AKT3: variants seen among roughly 807,000 people sequenced by gnomAD.
AKT3 encodes AKT serine/threonine kinase 3.
A neutral mutation model predicts 65.3 loss-of-function variants in AKT3; 15 were observed. That is an observed-to-expected ratio of 0.23 (90% CI 0.15 to 0.35). The LOEUF (loss-of-function observed/expected upper bound fraction) is 0.35, where lower values mean the gene tolerates loss of function less well. AKT3 is among the 10% of genes least tolerant of loss of function. The probability of loss-of-function intolerance (pLI) is 1.00; values close to 1 mark genes in which losing one functional copy is unlikely to be tolerated. For missense variants in AKT3, 243 were observed against 576.5 expected (o/e 0.42, Z 5.92); for synonymous variants, 206 against 183.8 (o/e 1.12, Z -0.98).
chr1:243,519,460 G>A (rs1670575479), intron 12 of AKT3, among the ~76,000 whole-genome samples: 1 of 152,198 alleles, frequency 6.6e-6, no homozygotes, highest in Admixed American at 6.5e-5. Flanking sequence ...AAATGGTCCA[G>A]TCAAAGCAAT....
chr1:243,695,406 A>G (rs528509433), intron 3 of AKT3, among the ~76,000 whole-genome samples, 185 bp downstream of exon 3: 8 of 152,118 alleles, frequency 5.3e-5, no homozygotes, highest in Admixed American at 2.0e-4. Context: ...ATTGCATTGT[A>G]TAAGACCAAA....
rs59975727 is a variant in AKT3, at chr1:243,798,207, C to CT, written c.46+44917dup. Among the ~76,000 whole-genome samples the CT allele has an allele frequency of 1.1e-3, 108 of 97,266 alleles. 2 individuals carry two copies. The highest frequency in any genetic ancestry group is 2.4e-3 in the African/African-American group (65 of 26,638). The allele number at this position is 97,266 out of a possible 152,430, so 63.8% of individuals were successfully genotyped here. On this transcript the variant is annotated intron_variant, in intron 2 of 13. Transcript: ENST00000673466. ...CAGGCGTGAGCCACTGTGCCAGGCC[C>CT]TTTTTTTTTTTTTTTTTTTTAAGAC...
At chr1:243,726,400 TATAAAA>T (rs1458819571) in intron 2 of AKT3, among the ~76,000 whole-genome samples, 3 of 152,188 alleles carry the variant, frequency 2.0e-5, no homozygotes, top group African/African-American at 4.8e-5. Context: ...GCTTACTAAA[TATAAAA>T]ATATTTTACA....
chr1:243,835,374 G>T (rs546948087), intron 2 of AKT3, among the ~76,000 whole-genome samples: 4 of 151,928 alleles, frequency 2.6e-5, no homozygotes, highest in Admixed American at 6.6e-5. Context: ...TACCTATAGG[G>T]TACTATGTTT....
intron 3 of AKT3, among the ~76,000 whole-genome samples, chr1:243,675,485 G>A (rs187273316): frequency 6.6e-6 from 1 of 152,336 alleles, no homozygotes; most frequent in East Asian, 1.9e-4. Flanking sequence ...ACAGGCGTGA[G>A]CCACTACATC....
intron 8 of AKT3, among the ~76,000 whole-genome samples, chr1:243,590,926 A>T (rs1479005886): frequency 6.6e-6 from 1 of 152,218 alleles, no homozygotes; most frequent in African/African-American, 2.4e-5. Context: ...GAAATGAATA[A>T]GGTGATAGTT....
intron 2 of AKT3, among the ~76,000 whole-genome samples, chr1:243,842,433 A>C (rs1416036500): frequency 2.0e-5 from 3 of 152,232 alleles, no homozygotes; most frequent in Admixed American, 6.5e-5. Context: ...CCACATAAGC[A>C]GGTGATCTCA....
intron 3 of AKT3, among the ~76,000 whole-genome samples, chr1:243,691,882 A>G (rs1156394197): frequency 6.6e-6 from 1 of 152,180 alleles, no homozygotes; most frequent in Non-Finnish European, 1.5e-5. Flanking sequence ...GTGTCCGCCC[A>G]AGAGAAAGTA....
rs28491174 is a variant in AKT3 at position 243,837,794 on chromosome 1, G to C, written c.46+5331C>G. 4.2e-3 allele frequency among the ~76,000 whole-genome samples: 642 copies of C among 152,224 alleles called. 5 individuals are homozygous for C. Among genetic ancestry groups the C allele is most frequent in the African/African-American group, 0.015 (617 of 41,540 alleles). On this transcript the variant is annotated intron_variant, in intron 2 of 13. Transcript: ENST00000673466. ...GAACAGCTAATGTGATACTTAAGTG[G>C]TAAAATAAATGCTTTCCCAATAAGA... is the stretch of plus-strand genomic sequence containing the variant.
intron 2 of AKT3, among the ~76,000 whole-genome samples, chr1:243,810,579 C>G (rs2148395983): frequency 6.6e-6 from 1 of 152,262 alleles, no homozygotes; most frequent in South Asian, 2.1e-4. Flanking sequence ...GGATTCACAG[C>G]CGAATTCTAC....
chr1:243,601,468 C>A (rs182043471), intron 8 of AKT3, among the ~76,000 whole-genome samples: 1 of 152,108 alleles, frequency 6.6e-6, no homozygotes, highest in East Asian at 1.9e-4. Context: ...CAAGTAACAT[C>A]CTGGGAATGC....
At chr1:243,837,504 TG>T (rs1375989198) in intron 2 of AKT3, among the ~76,000 whole-genome samples, 1 of 152,222 alleles carries the variant, frequency 6.6e-6, no homozygotes, top group African/African-American at 2.4e-5. Context: ...TCAATACTCT[TG>T]TAAATGCAAA....
chr1:243,526,135 T>C (rs987445825), intron 12 of AKT3, among the ~76,000 whole-genome samples: 8 of 152,048 alleles, frequency 5.3e-5, no homozygotes, highest in African/African-American at 1.9e-4. Flanking sequence ...TGTCTCCAAG[T>C]TCACTGCTGA....
chr1:243,776,660 C>A (rs138206625), intron 2 of AKT3, among the ~76,000 whole-genome samples: 52 of 152,278 alleles, frequency 3.4e-4, no homozygotes, highest in Non-Finnish European at 5.6e-4. Flanking sequence ...TTATTTCCCC[C>A]ATTTTACAGA....
intron 12 of AKT3, among the ~76,000 whole-genome samples, chr1:243,532,743 G>A (rs1219009365): frequency 2.0e-5 from 3 of 152,184 alleles, no homozygotes; most frequent in South Asian, 4.1e-4. Context: ...TTCTTTAAGT[G>A]TTGGGTAGAC....
At chr1:243,619,778 T>C (rs1312414376) in intron 6 of AKT3, among the ~76,000 whole-genome samples, 1 of 98,762 alleles carries the variant, frequency 1.0e-5, no homozygotes, top group South Asian at 3.0e-4. Flanking sequence ...ATTTTGGCTG[T>C]TGTGAATAGT....
chr1:243,669,361 GAGAAA>G (rs1683018784), intron 3 of AKT3, among the ~76,000 whole-genome samples: 1 of 152,164 alleles, frequency 6.6e-6, no homozygotes, highest in Non-Finnish European at 1.5e-5. Flanking sequence ...GCGTGCCCAA[GAGAAA>G]TACTATGGGG....
chr1:243,783,607 A>T (rs190074404), intron 2 of AKT3, among the ~76,000 whole-genome samples: 100 of 152,346 alleles, frequency 6.6e-4, no homozygotes, highest in African/African-American at 2.3e-3. Context: ...GTTAACTTAA[A>T]AAATTTTTAA....
intron 8 of AKT3, among the ~76,000 whole-genome samples, chr1:243,583,754 A>G (rs989894526): frequency 6.6e-5 from 10 of 152,012 alleles, no homozygotes; most frequent in African/African-American, 2.4e-4. Flanking sequence ...CAGAAATAAA[A>G]ATAGTATTTG....
Sources: allele counts gnomAD v4.1 joint callset (sites outside exome capture counted in the v4.1 genomes callset), GRCh38; gene constraint gnomAD v4.1.1; transcripts MANE v1.5; gene names NCBI Gene and HGNC (gene_info 2026-07-23, HGNC 2026-07-21).